The following PARD3 variants were observed in gnomAD, a reference collection of about 807,000 sequenced individuals.
PARD3 encodes the protein partitioning defective 3 homolog.
PARD3 carries 75 observed loss-of-function variants against 155.4 expected under a neutral mutation model. The observed-to-expected ratio is 0.48, with a 90% confidence interval of 0.40 to 0.58. The LOEUF (loss-of-function observed/expected upper bound fraction) is 0.58, where lower values mean the gene tolerates loss of function less well. PARD3 is among the 20% of genes least tolerant of loss of function. The pLI is 0.00. For missense variants in PARD3, 1,642 were observed against 1,721.7 expected (o/e 0.95, Z 0.82); for synonymous variants, 576 against 610.5 (o/e 0.94, Z 0.83).
Position 34,317,567 on chromosome 10 carries a change from AG to A in PARD3, c.2834-230del, listed in dbSNP as rs139632356. Among the ~76,000 whole-genome samples, 1,233 of 152,292 alleles carry A rather than the reference AG, an allele frequency of 8.1e-3. 22 individuals are homozygous for A. The highest frequency in any genetic ancestry group is 0.028 in the African/African-American group (1,173 of 41,554). ...GCCAAGTCAGTAGCAGCAAAACAGCAGCTTCCTGGTGGGATGCTGATGCACC... is the reference window on the plus strand; with the variant it reads ...GCCAAGTCAGTAGCAGCAAAACAGCACTTCCTGGTGGGATGCTGATGCACC... On this transcript the variant is annotated intron_variant, in intron 19 of 24. Transcript: ENST00000374788.
intron 22 of PARD3, among the ~76,000 whole-genome samples, chr10:34,141,225 G>A (rs908595402): frequency 2.0e-5 from 3 of 152,056 alleles, no homozygotes; most frequent in Non-Finnish European, 4.4e-5. Context: ...TAACTACTTA[G>A]GAAATATCAT....
chr10:34,188,226 TG>T (rs1950566280), intron 22 of PARD3, among the ~76,000 whole-genome samples: 3 of 152,208 alleles, frequency 2.0e-5, no homozygotes, highest in Non-Finnish European at 4.4e-5. Flanking sequence ...CATTGTCTTT[TG>T]TTTGGTATTT....
At chr10:34,167,218 T>C (rs146094997) in intron 22 of PARD3, among the ~76,000 whole-genome samples, 25 of 152,292 alleles carry the variant, frequency 1.6e-4, no homozygotes, top group African/African-American at 5.8e-4. Context: ...ATATAGACCT[T>C]ACCTCCAAAA....
intron 3 of PARD3, among the ~76,000 whole-genome samples, chr10:34,509,310 TG>T (rs2081267831): frequency 1.3e-5 from 2 of 152,122 alleles, no homozygotes; most frequent in African/African-American, 4.8e-5. Flanking sequence ...GTGTTCAATA[TG>T]CATCATTCCC....
At chr10:34,198,462 G>A (rs1019043766) in intron 22 of PARD3, among the ~76,000 whole-genome samples, 2 of 150,558 alleles carry the variant, frequency 1.3e-5, no homozygotes, top group African/African-American at 2.5e-5. Context: ...TGGTGTGTGT[G>A]TGTGTGTGTG....
At chr10:34,171,498 G>A (rs1348778121) in intron 22 of PARD3, among the ~76,000 whole-genome samples, 1 of 152,180 alleles carries the variant, frequency 6.6e-6, no homozygotes, top group Admixed American at 6.5e-5. Context: ...ATTAATGTAT[G>A]TTTAGTAAAA....
At chr10:34,652,826 A>T (rs897743479) in intron 2 of PARD3, among the ~76,000 whole-genome samples, 7 of 152,370 alleles carry the variant, frequency 4.6e-5, no homozygotes, top group Non-Finnish European at 8.8e-5. Context: ...TTCTTTAGTT[A>T]TAAGAAGGAG....
At chr10:34,596,636 G>A (rs2089287207) in intron 2 of PARD3, among the ~76,000 whole-genome samples, 1 of 152,182 alleles carries the variant, frequency 6.6e-6, no homozygotes, top group South Asian at 2.1e-4. Context: ...ACACGGGGAT[G>A]ACAATTTGGA....
intron 1 of PARD3, among the ~76,000 whole-genome samples, chr10:34,784,044 C>T (rs1399886923): frequency 1.3e-5 from 2 of 151,932 alleles, no homozygotes; most frequent in East Asian, 1.9e-4. Context: ...CATGTCTCTA[C>T]AAAAAACTTC....
intron 1 of PARD3, among the ~76,000 whole-genome samples, chr10:34,811,306 A>C (rs1469323663): frequency 6.6e-6 from 1 of 152,118 alleles, no homozygotes; most frequent in Non-Finnish European, 1.5e-5. Flanking sequence ...CCCTGGGCTG[A>C]ATGCCTGAAT....
At chr10:34,681,770 T>TATA (rs1564500809) in intron 2 of PARD3, among the ~76,000 whole-genome samples, 19 of 14,520 alleles carry the variant, frequency 1.3e-3, no homozygotes, top group Non-Finnish European at 1.7e-3. Context: ...ATATATATAT[T>TATA]TTTTTTTTTT....
intron 1 of PARD3, among the ~76,000 whole-genome samples, chr10:34,702,480 G>A (rs886104027): frequency 1.3e-5 from 2 of 152,204 alleles, no homozygotes; most frequent in African/African-American, 2.4e-5. Context: ...AGAGCACAGT[G>A]ACTGCCCCTC....
intron 15 of PARD3, 120 bp downstream of exon 15, chr10:34,347,845 A>C (rs1837593400): frequency 2.9e-6 from 2 of 697,566 alleles, no homozygotes; most frequent in South Asian, 4.6e-5. Context: ...TGAAAACATT[A>C]ATATTTTTAT....
At chr10:34,381,922 A>G (rs1309180025) in intron 9 of PARD3, among the ~76,000 whole-genome samples, 4 of 61,330 alleles carry the variant, frequency 6.5e-5, no homozygotes, top group Non-Finnish European at 1.3e-4. Flanking sequence ...CAAAAAAAAA[A>G]AAAAAAAAAA....
At chr10:34,146,735 T>C (rs1051907231) in intron 22 of PARD3, among the ~76,000 whole-genome samples, 1 of 152,216 alleles carries the variant, frequency 6.6e-6, no homozygotes, top group Non-Finnish European at 1.5e-5. Flanking sequence ...CCAGCTCCTA[T>C]TCTGATCTCT....
chr10:34,231,875 TA>T (rs752387597), intron 22 of PARD3, among the ~76,000 whole-genome samples: 165 of 152,198 alleles, frequency 1.1e-3, no homozygotes, highest in Non-Finnish European at 8.5e-4. Context: ...GATAGTAAAG[TA>T]AAACAATACA....
In PARD3 at chr10:34,345,601, T is replaced by A. The variant is rs545325298; in HGVS notation, c.2218+2364A>T. 1.0e-5 allele frequency: 10 copies of A among 985,338 alleles called. No individual in the cohort carries two copies. In the South Asian group the frequency reaches 4.2e-4, roughly 42 times the overall value. 61.0% of individuals were successfully genotyped at this position (985,338 alleles called of 1,614,324 possible). A position where few individuals can be genotyped will look rare whatever the true frequency, so the allele number is the denominator to read the frequency against. ...CTGTGCAAATCAATAAACACTGTTG[T>A]TATTGGTTTAGGCGAATGGAAATCC... On this transcript the variant is annotated intron_variant, in intron 15 of 24. Transcript: ENST00000374788.
At position 34,110,895 on chromosome 10, in the gene PARD3, A is replaced by G. The variant is rs1274402462; in HGVS notation, c.*274T>C. On this transcript the variant is annotated 3_prime_UTR_variant, in exon 25 of 25. Transcript: ENST00000374788. ...CGGACAACTCATGAGTAGGGCCGAG[A>G]TTCCTGGTACTGTGGAGAGGCGCAG... 3.4e-6 allele frequency: 1 copy of G among 293,598 alleles called. No individual in the cohort carries two copies. Among genetic ancestry groups the G allele is most frequent in the Non-Finnish European group, 6.3e-6 (1 of 158,524 alleles). The allele number at this position is 293,598 out of a possible 1,614,324, so 18.2% of individuals were successfully genotyped here. A position where few individuals can be genotyped will look rare whatever the true frequency, so the allele number is the denominator to read the frequency against.
At chr10:34,113,033 G>T (rs528625705) in intron 24 of PARD3, among the ~76,000 whole-genome samples, 75 of 152,258 alleles carry the variant, frequency 4.9e-4, no homozygotes, top group African/African-American at 1.7e-3. Flanking sequence ...CAAGACTGTT[G>T]GAAAATGCCG....
Sources: gnomAD v4.1 joint callset for allele counts (sites outside exome capture counted in the v4.1 genomes callset) on GRCh38, gnomAD v4.1.1 for gene constraint, MANE v1.5 for transcripts, NCBI Gene and HGNC (gene_info 2026-07-23, HGNC 2026-07-21) for gene names.